MYH9: variants seen among roughly 807,000 people sequenced by gnomAD.
The protein encoded by MYH9 is myosin-9.
In MYH9, 29 loss-of-function variants were observed where a neutral mutation model predicts 241.9. The ratio of observed to expected loss-of-function variants is 0.12; its 90% CI spans 0.09 to 0.16. The LOEUF (loss-of-function observed/expected upper bound fraction) is 0.16, where lower values mean the gene tolerates loss of function less well. Ranked by LOEUF, MYH9 falls within the 10% of genes least tolerant of loss-of-function variation. The pLI is 1.00. For synonymous variants in MYH9, 1,047 were observed against 1,062.6 expected (o/e 0.99, Z 0.29); for missense variants, 1,803 against 2,595.5 (o/e 0.69, Z 6.63).
intron 25 of MYH9, among the ~76,000 whole-genome samples, chr22:36,296,174 G>A (rs903735677): frequency 4.6e-5 from 7 of 152,128 alleles, no homozygotes; most frequent in Non-Finnish European, 8.8e-5. Context: ...GTGGGGCAGT[G>A]GATAGATGGA....
intron 3 of MYH9, among the ~76,000 whole-genome samples, chr22:36,328,141 G>A (rs946118075): frequency 1.3e-5 from 2 of 152,238 alleles, no homozygotes; most frequent in Admixed American, 1.3e-4. Context: ...GTGCAATGAT[G>A]TCACTTTAGA....
At chr22:36,297,552 A>G (rs559493400) in intron 24 of MYH9, among the ~76,000 whole-genome samples, 1 of 152,276 alleles carries the variant, frequency 6.6e-6, no homozygotes, top group Admixed American at 6.5e-5. Flanking sequence ...AAGCACCTAG[A>G]ACAGTGCCTG....
At chr22:36,314,006 G>A in intron 13 of MYH9, 139 bp downstream of exon 13, 2 of 1,134,326 alleles carry the variant, frequency 1.8e-6, no homozygotes, top group East Asian at 2.5e-5. Context: ...CAGCCTTGGG[G>A]CTTCATCCTC....
At chr22:36,339,989 T>A (rs574458495) in intron 3 of MYH9, among the ~76,000 whole-genome samples, 4 of 151,982 alleles carry the variant, frequency 2.6e-5, no homozygotes, top group Non-Finnish European at 5.9e-5. Flanking sequence ...GTCATGTTTT[T>A]AAAAAAAGAA....
intron 3 of MYH9, among the ~76,000 whole-genome samples, chr22:36,336,986 C>T (rs533054249): frequency 3.9e-5 from 6 of 152,354 alleles, no homozygotes; most frequent in African/African-American, 1.4e-4. Flanking sequence ...TGTGATGCCC[C>T]ACCCGTGCCC....
rs112939789 is a variant in MYH9 at position 36,386,352 on chromosome 22, T to C, written c.-20+1455A>G. 1.5e-3 allele frequency among the ~76,000 whole-genome samples: 227 copies of C among 150,694 alleles called. 1 individual carries two copies. The highest frequency in any genetic ancestry group is 5.2e-3 in the African/African-American group (215 of 41,264). On this transcript the variant is annotated intron_variant, in intron 1 of 40. Coordinates refer to ENST00000216181, the MANE Select transcript of MYH9 (RefSeq NM_002473.6). ...CATCTGTGTCCCCTTCCCCCACACA[T>C]AGCAGCCTTGTATATAAACTGACTA...
chr22:36,340,549 T>C (rs1015355589), intron 3 of MYH9, among the ~76,000 whole-genome samples: 5 of 151,368 alleles, frequency 3.3e-5, no homozygotes, highest in Non-Finnish European at 7.4e-5. Context: ...TAATCCCAGC[T>C]ACTAGGGGGG....
intron 1 of MYH9, among the ~76,000 whole-genome samples, chr22:36,377,760 A>T (rs2018193290): frequency 6.6e-6 from 1 of 151,966 alleles, no homozygotes; most frequent in African/African-American, 2.4e-5. Context: ...ATACAAAAAA[A>T]TTAGCCGGGC....
At chr22:36,344,170 A>T (rs986538567) in intron 2 of MYH9, among the ~76,000 whole-genome samples, 3 of 152,236 alleles carry the variant, frequency 2.0e-5, no homozygotes, top group Non-Finnish European at 4.4e-5. Flanking sequence ...GGGAGGAAGG[A>T]GATTCACTGG....
At chr22:36,360,597 C>T (rs1177705595) in intron 1 of MYH9, among the ~76,000 whole-genome samples, 1 of 151,602 alleles carries the variant, frequency 6.6e-6, no homozygotes, top group Admixed American at 6.6e-5. Context: ...CCTGTAGTCC[C>T]AGCTACTCTG....
rs780120030 is a variant in MYH9 at position 36,319,552 on chromosome 22, G to C, written c.1096C>G (p.Pro366Ala). The C allele has an allele frequency of 3.1e-6, 5 of 1,614,136 alleles. No homozygotes were observed. The highest frequency in any genetic ancestry group is 4.2e-6 in the Non-Finnish European group (5 of 1,180,016). Residue 366 changes from proline (P) to alanine (A), a missense_variant, in exon 10 of 41, where the codon CCC becomes GCC. This residue lies in a region of MYH9 where 222 missense variants were observed against 359.9 expected (regional missense o/e 0.62). Transcript: ENST00000216181. ...KERNTDQASM[P>A]DNTAAQKVSH... is the part of the protein sequence containing the mutation. ...CCCCGGGTGTTACCTGTGTTGTCGG[G>C]CATGGACGCCTGGTCAGTGTTCCGC...
rs776704254 is a variant in MYH9, at chr22:36,302,703, C to T, written c.2391-27G>A. The T allele has an allele frequency of 2.0e-5, 32 of 1,599,140 alleles. No individual in the cohort carries two copies. The East Asian group carries it at 3.1e-4, about 16-fold the overall frequency. ...TGTGTGGTGAGGAACATGGTCAGCG[C>T]GGAGCAGTGGACAGCAGACCCGACC... On this transcript the variant is annotated intron_variant, in intron 19 of 40. Transcript: ENST00000216181.
At chr22:36,386,283 A>C (rs2018349566) in intron 1 of MYH9, among the ~76,000 whole-genome samples, 1 of 149,362 alleles carries the variant, frequency 6.7e-6, no homozygotes. Context: ...CACCTGGCAG[A>C]GTCCCTGGCA....
At position 36,316,680 on chromosome 22, in the gene MYH9, C is replaced by A; in HGVS notation, c.1228-11G>T. ...GATGGCAAAGTCAGCCTGCGGGGCACACCCGGGGAGCGTGGTGTCAGATAC... is the reference window on the plus strand; with the variant it reads ...GATGGCAAAGTCAGCCTGCGGGGCAAACCCGGGGAGCGTGGTGTCAGATAC... On this transcript the variant is annotated splice_polypyrimidine_tract_variant and intron_variant, in intron 11 of 40. Coordinates refer to ENST00000216181, the MANE Select transcript of MYH9 (RefSeq NM_002473.6). 2 of 1,613,560 alleles carry A rather than the reference C, an allele frequency of 1.2e-6. No homozygotes were observed. Among genetic ancestry groups the A allele is most frequent in the African/African-American group, 1.3e-5 (1 of 75,036 alleles).
chr22:36,325,208 CTGTATTAG>C (rs2017316608), intron 5 of MYH9: 1 of 685,552 alleles, frequency 1.5e-6, no homozygotes, highest in Non-Finnish European at 2.7e-6. Flanking sequence ...AGAAAAGAAA[CTGTATTAG>C]TTTCTAAATA....
intron 31 of MYH9, 119 bp from the exon 32 acceptor site, chr22:36,289,416 C>A: frequency 1.1e-6 from 1 of 906,366 alleles, no homozygotes; most frequent in Non-Finnish European, 1.7e-6. Flanking sequence ...AGGAGCAGGC[C>A]TAGGAAGCAC....
At chr22:36,371,786 C>T (rs559064938) in intron 1 of MYH9, among the ~76,000 whole-genome samples, 4 of 152,022 alleles carry the variant, frequency 2.6e-5, no homozygotes, top group Non-Finnish European at 5.9e-5. Flanking sequence ...CCGCCCGCCT[C>T]GGCCTCCCAA....
At position 36,306,686 on chromosome 22, in the gene MYH9, A is replaced by G; in HGVS notation, c.1844-79T>C. On this transcript the variant is annotated intron_variant, in intron 15 of 40. Transcript: ENST00000216181. The surrounding 1 kb of genome is among the most constrained non-coding windows in gnomAD (Gnocchi z 4.1). The stretch of plus-strand genomic sequence containing the variant: ...GGGGGAGCACGTAGGAGAGAGAGAC[A>G]GGCACACGTCGGACAGGAAAAGAGG... The G allele has an allele frequency of 2.2e-6, 3 of 1,373,588 alleles. 1 individual carries two copies. The highest frequency in any genetic ancestry group is 2.4e-5 in the South Asian group (2 of 82,812). The allele number at this position is 1,373,588 out of a possible 1,614,324, so 85.1% of individuals were successfully genotyped here.
At chr22:36,317,538 G>A (rs757482032) in intron 11 of MYH9, among the ~76,000 whole-genome samples, 2 of 152,196 alleles carry the variant, frequency 1.3e-5, no homozygotes, top group South Asian at 2.1e-4. Context: ...AGAAACAGCC[G>A]TGAGCTGTCA....
Sources: allele counts gnomAD v4.1 joint callset (sites outside exome capture counted in the v4.1 genomes callset), GRCh38; gene constraint gnomAD v4.1.1; regional missense constraint gnomAD v4.1.1; non-coding constraint Gnocchi (gnomAD v3.1); transcripts MANE v1.5; gene names NCBI Gene and HGNC (gene_info 2026-07-23, HGNC 2026-07-21).